Variants in RBFOX3 observed in about 807,000 individuals in gnomAD.
RBFOX3 encodes RNA binding protein fox-1 homolog 3.
Under a neutral mutation model 48.7 loss-of-function variants are expected in RBFOX3, and 17 were observed. The ratio of observed to expected loss-of-function variants is 0.35; its 90% CI spans 0.24 to 0.52. RBFOX3 has a LOEUF of 0.52. Ranked by LOEUF, RBFOX3 falls within the 20% of genes least tolerant of loss-of-function variation. RBFOX3 has a pLI of 0.94. For missense variants in RBFOX3, 382 were observed against 497.5 expected (o/e 0.77, Z 2.21); for synonymous variants, 212 against 209.5 (o/e 1.01, Z -0.10).
At chr17:79,579,544 G>A (rs2092976694) in intron 1 of RBFOX3, among the ~76,000 whole-genome samples, 1 of 152,162 alleles carries the variant, frequency 6.6e-6, no homozygotes, top group African/African-American at 2.4e-5. Flanking sequence ...GTGGAGAGGA[G>A]AGCATCCAGC....
chr17:79,294,645 G>GA (rs2074017857), intron 3 of RBFOX3, among the ~76,000 whole-genome samples: 2 of 152,172 alleles, frequency 1.3e-5, no homozygotes, highest in Non-Finnish European at 2.9e-5. Flanking sequence ...CGGAATGGGG[G>GA]AAGGCAGGAG....
In RBFOX3 at chr17:79,471,237, C is replaced by A. The variant is rs1555756740; in HGVS notation, c.-175+11217G>T. Among the ~76,000 whole-genome samples the A allele has an allele frequency of 2.0e-5, 3 of 152,160 alleles. No homozygotes were observed. Among genetic ancestry groups the A allele is most frequent in the African/African-American group, 7.2e-5 (3 of 41,428 alleles). ...CTCTCATGGGAAGCAGCCATCGTGG[C>A]TCTCAGCTCATGGAAAGCGGGGTAC... On this transcript the variant is annotated intron_variant, in intron 2 of 14. Coordinates refer to ENST00000693108, the MANE Select transcript of RBFOX3 (RefSeq NM_001350451.2). The surrounding 1 kb of genome is among the most constrained non-coding windows in gnomAD (Gnocchi z 4.0).
At chr17:79,460,889 C>T (rs1468055558) in intron 2 of RBFOX3, among the ~76,000 whole-genome samples, 2 of 152,190 alleles carry the variant, frequency 1.3e-5, no homozygotes, top group African/African-American at 4.8e-5. Context: ...TTACAAATTA[C>T]CCAGTCTGTA....
intron 2 of RBFOX3, among the ~76,000 whole-genome samples, chr17:79,413,157 G>T (rs2064745086): frequency 6.6e-6 from 1 of 152,200 alleles, no homozygotes; most frequent in Non-Finnish European, 1.5e-5. Flanking sequence ...ATGCAAGAGA[G>T]ACCAAAACAG....
chr17:79,607,877 A>C (rs1305397762), intron 1 of RBFOX3, among the ~76,000 whole-genome samples: 1 of 152,288 alleles, frequency 6.6e-6, no homozygotes, highest in East Asian at 1.9e-4. Context: ...CATTTCACCG[A>C]TGCGCCATCA....
intron 1 of RBFOX3, among the ~76,000 whole-genome samples, chr17:79,596,660 T>C (rs925853700): frequency 1.1e-4 from 16 of 152,174 alleles, no homozygotes; most frequent in Non-Finnish European, 1.9e-4. Flanking sequence ...TGGGAAGACA[T>C]GGATCAGCTG....
intron 1 of RBFOX3, among the ~76,000 whole-genome samples, chr17:79,510,652 C>A (rs114573452): frequency 6.6e-6 from 1 of 152,200 alleles, no homozygotes; most frequent in African/African-American, 2.4e-5. Flanking sequence ...GGAATGCCTG[C>A]GCTCACCTCA....
intron 1 of RBFOX3, among the ~76,000 whole-genome samples, chr17:79,545,606 G>A (rs1259974139): frequency 1.3e-5 from 2 of 152,202 alleles, no homozygotes; most frequent in Admixed American, 6.5e-5. Context: ...TTCAATGTCT[G>A]CCTTCCCTTC....
At chr17:79,499,433 A>G (rs2082092437) in intron 1 of RBFOX3, among the ~76,000 whole-genome samples, 1 of 150,894 alleles carries the variant, frequency 6.6e-6, no homozygotes, top group Admixed American at 6.6e-5. Context: ...ATCCATCTAT[A>G]TATTCATCCA....
intron 2 of RBFOX3, among the ~76,000 whole-genome samples, chr17:79,431,187 C>G (rs4790038): frequency 0.99 from 150,363 of 152,316 alleles, 74,246 homozygotes; most frequent in Middle Eastern, 1. Context: ...AAATGGAAAC[C>G]TTAAACACGC....
At chr17:79,637,760 G>A in the RBFOX3 span, among the ~76,000 whole-genome samples, 1 of 93,018 alleles carries the variant, frequency 1.1e-5, no homozygotes, top group African/African-American at 3.9e-5. Flanking sequence ...GAGGAGAGGA[G>A]GGGAGGGGAA....
intron 2 of RBFOX3, among the ~76,000 whole-genome samples, chr17:79,462,539 G>C (rs912847172): frequency 2.6e-5 from 4 of 152,180 alleles, no homozygotes; most frequent in Admixed American, 6.5e-5. Flanking sequence ...CTCCCCAGGG[G>C]ACATGAGACA....
chr17:79,297,785 G>T (rs2074639642), intron 3 of RBFOX3, among the ~76,000 whole-genome samples: 1 of 152,174 alleles, frequency 6.6e-6, no homozygotes, highest in African/African-American at 2.4e-5. Context: ...GAGCAGATGG[G>T]GTGACTGAGG....
chr17:79,624,206 G>A, the RBFOX3 span, among the ~76,000 whole-genome samples: 36 of 152,286 alleles, frequency 2.4e-4, no homozygotes, highest in African/African-American at 8.4e-4. Flanking sequence ...GAAGGGTGAC[G>A]CTTCAACCAC....
intron 1 of RBFOX3, among the ~76,000 whole-genome samples, chr17:79,567,567 TC>T (rs2092514139): frequency 6.8e-6 from 1 of 147,256 alleles, no homozygotes; most frequent in African/African-American, 2.6e-5. Flanking sequence ...ATGACAGGTT[TC>T]CCTGATTTGA....
chr17:79,609,566 G>A (rs950470667), intron 1 of RBFOX3, among the ~76,000 whole-genome samples: 1 of 152,188 alleles, frequency 6.6e-6, no homozygotes, highest in Admixed American at 6.5e-5. Context: ...AGCTGGAACG[G>A]AAAGGGGAGG....
chr17:79,378,042 T>G (rs945170335), intron 2 of RBFOX3, among the ~76,000 whole-genome samples: 4 of 152,198 alleles, frequency 2.6e-5, no homozygotes, highest in African/African-American at 7.2e-5. Context: ...ACTATAATAT[T>G]TCTTTATGGA....
intron 4 of RBFOX3, among the ~76,000 whole-genome samples, chr17:79,162,487 T>C (rs963342402): frequency 8.5e-5 from 13 of 152,224 alleles, no homozygotes; most frequent in African/African-American, 2.4e-4. Flanking sequence ...CACACATGCA[T>C]GGAGCCATCC....
At chr17:79,593,246 T>C (rs386829705) in intron 1 of RBFOX3, among the ~76,000 whole-genome samples, 143,154 of 152,226 alleles carry the variant, frequency 0.94, 67,623 homozygotes, top group Non-Finnish European at 0.99. Flanking sequence ...TCCCAATCCT[T>C]CCTCCTTCTC....
Sources: allele counts gnomAD v4.1 joint callset (sites outside exome capture counted in the v4.1 genomes callset), GRCh38; gene constraint gnomAD v4.1.1; non-coding constraint Gnocchi (gnomAD v3.1); transcripts MANE v1.5; gene names NCBI Gene and HGNC (gene_info 2026-07-23, HGNC 2026-07-21).